Variants in SYNE3 observed in about 807,000 individuals in gnomAD.
The protein encoded by SYNE3 is nesprin-3.
SYNE3 carries 100 observed loss-of-function variants against 111.2 expected under a neutral mutation model. The ratio of observed to expected loss-of-function variants is 0.90; its 90% CI spans 0.77 to 1.06. The LOEUF is 1.06. Ranked by LOEUF, SYNE3 falls within the 50% of genes least tolerant of loss-of-function variation. SYNE3 has a pLI of 0.00. For missense variants in SYNE3, 1,160 were observed against 1,240.3 expected (o/e 0.94, Z 0.97); for synonymous variants, 547 against 533.9 (o/e 1.02, Z -0.34).
At chr14:95,439,510 C>A (rs1886285460) in intron 13 of SYNE3, 102 bp downstream of exon 13, 9 of 1,493,136 alleles carry the variant, frequency 6.0e-6, no homozygotes, top group Non-Finnish European at 7.4e-6. Flanking sequence ...TGGCTCCACA[C>A]TGGGCAGCAC....
chr14:95,449,729 A>G (rs1886942637), intron 8 of SYNE3: 1 of 973,552 alleles, frequency 1.0e-6, no homozygotes, highest in Non-Finnish European at 1.2e-6. Context: ...GTTAACCCCC[A>G]GGAGCCGAGC....
Position 95,416,949 on chromosome 14 carries a change from A to G in SYNE3, c.*877T>C, listed in dbSNP as rs1903600275. On this transcript the variant is annotated 3_prime_UTR_variant, in exon 18 of 18. Transcript: ENST00000682763. ...AGTGTGCCTCACCATTCTGCATGGAAATCTTAAAAATCAAGCTTGTCTTCT... is the reference window on the plus strand; with the variant it reads ...AGTGTGCCTCACCATTCTGCATGGAGATCTTAAAAATCAAGCTTGTCTTCT... 1 of 152,146 alleles carries G rather than the reference A, an allele frequency of 6.6e-6. No homozygotes were observed. The highest frequency in any genetic ancestry group is 2.4e-5 in the African/African-American group (1 of 41,390). 9.4% of individuals were successfully genotyped at this position (152,146 alleles called of 1,614,324 possible).
rs577625372 is a variant in SYNE3, at chr14:95,416,086, T to G, written c.*1740A>C. On this transcript the variant is annotated 3_prime_UTR_variant, in exon 18 of 18. Transcript: ENST00000682763. The stretch of plus-strand genomic sequence containing the variant: ...CCAAGTCACATTCTGCTTAAAGTTG[T>G]AACAAATACAGACGAGTTAAAAGAA... The G allele has an allele frequency of 5.9e-5, 9 of 151,572 alleles. No individual in the cohort carries two copies. Among genetic ancestry groups the G allele is most frequent in the Admixed American group, 2.0e-4 (3 of 15,238 alleles). 9.4% of individuals were successfully genotyped at this position (151,572 alleles called of 1,614,324 possible). A position where few individuals can be genotyped will look rare whatever the true frequency, so the allele number is the denominator to read the frequency against.
chr14:95,464,917 T>C (rs4905326), intron 4 of SYNE3, among the ~76,000 whole-genome samples: 85,146 of 152,154 alleles, frequency 0.56, 24,167 homozygotes, highest in Admixed American at 0.65. Flanking sequence ...TTTAGAATGA[T>C]TGCAAATATA....
At chr14:95,440,357 T>C (rs1595192725) in intron 11 of SYNE3, among the ~76,000 whole-genome samples, 1 of 152,238 alleles carries the variant, frequency 6.6e-6, no homozygotes, top group East Asian at 1.9e-4. Flanking sequence ...CTGATCCAAG[T>C]GTAAATTGGC....
intron 15 of SYNE3, among the ~76,000 whole-genome samples, chr14:95,434,062 T>C (rs12436479): frequency 0.21 from 32,120 of 151,700 alleles, 3,706 homozygotes; most frequent in East Asian, 0.42. Flanking sequence ...CTGATATGGC[T>C]GGAGTTGGGT....
At position 95,417,113 on chromosome 14, in the gene SYNE3, T is replaced by C. The variant is rs751336718; in HGVS notation, c.*713A>G. On this transcript the variant is annotated 3_prime_UTR_variant, in exon 18 of 18. Coordinates refer to ENST00000682763, the MANE Select transcript of SYNE3 (RefSeq NM_152592.6). Reference sequence around the variant, plus strand: ...CTGGGGTTAGGGCTCCGGCATGCAATGCCTCCACACAGCTGTGCTTTCTTA... The same window carrying C: ...CTGGGGTTAGGGCTCCGGCATGCAACGCCTCCACACAGCTGTGCTTTCTTA... The C allele has an allele frequency of 1.3e-5, 2 of 154,838 alleles. No homozygotes were observed. The highest frequency in any genetic ancestry group is 2.4e-5 in the African/African-American group (1 of 41,478). 9.6% of individuals were successfully genotyped at this position (154,838 alleles called of 1,614,324 possible).
intron 1 of SYNE3, among the ~76,000 whole-genome samples, chr14:95,478,421 C>A (rs948059438): frequency 7.9e-5 from 12 of 152,116 alleles, no homozygotes; most frequent in Admixed American, 2.6e-4. Context: ...TTACTGTGAC[C>A]CCTGCACGCC....
intron 1 of SYNE3, among the ~76,000 whole-genome samples, chr14:95,490,422 A>G (rs565539422): frequency 6.6e-6 from 1 of 152,238 alleles, no homozygotes; most frequent in Non-Finnish European, 1.5e-5. Flanking sequence ...AGCACCATAC[A>G]GGGCTTCAGA....
intron 1 of SYNE3, among the ~76,000 whole-genome samples, chr14:95,478,155 G>T (rs12588783): frequency 0.2 from 30,013 of 152,092 alleles, 3,368 homozygotes; most frequent in South Asian, 0.41. Context: ...TGTGGGCTGG[G>T]CGAGGCTGCA....
intron 1 of SYNE3, among the ~76,000 whole-genome samples, chr14:95,476,199 T>C (rs2096324075): frequency 3.3e-5 from 5 of 152,262 alleles, no homozygotes; most frequent in Admixed American, 2.6e-4. Flanking sequence ...CCGAAACGTC[T>C]GGACCCATAA....
intron 14 of SYNE3, 151 bp from the exon 15 acceptor site, chr14:95,437,132 C>G (rs1430259331): frequency 2.4e-6 from 2 of 837,622 alleles, no homozygotes; most frequent in African/African-American, 1.7e-5. Flanking sequence ...CAATGAATCT[C>G]TACTCAACAT....
In SYNE3 at chr14:95,414,851, T is replaced by C. The variant is rs1337285542; in HGVS notation, c.*2975A>G. ...CTCCTTTAAGCAAAGGAGATTGCAC[T>C]TGTGCTTGGAAGCACCAGTAACTGG... On this transcript the variant is annotated 3_prime_UTR_variant, in exon 18 of 18. Transcript: ENST00000682763. 6.6e-6 allele frequency: 1 copy of C among 152,218 alleles called. No individual in the cohort carries two copies. The highest frequency in any genetic ancestry group is 1.5e-5 in the Non-Finnish European group (1 of 68,046). The allele number at this position is 152,218 out of a possible 1,614,324, so 9.4% of individuals were successfully genotyped here.
intron 1 of SYNE3, among the ~76,000 whole-genome samples, chr14:95,514,110 C>G (rs1890822142): frequency 6.6e-6 from 1 of 152,142 alleles, no homozygotes; most frequent in African/African-American, 2.4e-5. Context: ...TAGAACCCTT[C>G]AGAGTTGAAA....
intron 1 of SYNE3, among the ~76,000 whole-genome samples, chr14:95,484,888 C>T (rs139268274): frequency 8.9e-4 from 135 of 152,228 alleles, no homozygotes; most frequent in African/African-American, 3.1e-3. Flanking sequence ...ACGGTGGATT[C>T]GCTCAGTGAT....
intron 8 of SYNE3, chr14:95,449,343 G>T: frequency 1.3e-6 from 1 of 775,964 alleles, no homozygotes; most frequent in Non-Finnish European, 1.6e-6. Flanking sequence ...TGTGAGGGGA[G>T]TGTGCGGGTG....
At position 95,455,695 on chromosome 14, in the gene SYNE3, C is replaced by T; in HGVS notation, c.819G>A (p.Glu273=). The change falls in exon 6 of 18, where the codon GAG becomes GAA. Residue 273 remains glutamate, a synonymous_variant. Coordinates refer to ENST00000682763, the MANE Select transcript of SYNE3 (RefSeq NM_152592.6). ...QDIAKDFPRG[E]ESLETLEEQS... The stretch of plus-strand genomic sequence containing the variant: ...GCTCCTCCAGCGTCTCCAGAGACTC[C>T]TCGCCCCTGGGAAAATCTTTGGCAA... The T allele has an allele frequency of 6.2e-7, 1 of 1,614,148 alleles. No individual in the cohort carries two copies.
intron 4 of SYNE3, among the ~76,000 whole-genome samples, chr14:95,460,842 G>A (rs994026883): frequency 3.3e-5 from 5 of 152,216 alleles, no homozygotes; most frequent in Middle Eastern, 3.2e-3. Flanking sequence ...CCCTGGCCGC[G>A]CTGATGGTGA....
chr14:95,461,136 G>A (rs945874539), intron 4 of SYNE3, among the ~76,000 whole-genome samples: 2 of 152,224 alleles, frequency 1.3e-5, no homozygotes, highest in Non-Finnish European at 2.9e-5. Context: ...CACCATCTGC[G>A]GCGGGCAGAG....
Sources: gnomAD v4.1 joint callset for allele counts (sites outside exome capture counted in the v4.1 genomes callset) on GRCh38, gnomAD v4.1.1 for gene constraint, MANE v1.5 for transcripts, NCBI Gene and HGNC (gene_info 2026-07-23, HGNC 2026-07-21) for gene names.